The following SACS variants were observed in gnomAD, a reference collection of about 807,000 sequenced individuals.
SACS encodes sacsin.
SACS carries 197 observed loss-of-function variants against 348.0 expected under a neutral mutation model. That is an observed-to-expected ratio of 0.57 (90% confidence interval 0.50 to 0.64). SACS has a LOEUF of 0.64. Among genes scored for constraint, SACS ranks in the 30% least tolerant of loss-of-function variants. SACS has a pLI of 0.00. For missense variants in SACS, 4,999 were observed against 5,360.8 expected (o/e 0.93, Z 2.11); for synonymous variants, 1,985 against 1,910.6 (o/e 1.04, Z -1.02).
In SACS at chr13:23,340,120, C is replaced by T; in HGVS notation, c.3756G>A (p.Leu1252=). The change falls in exon 10 of 10, where the codon TTG becomes TTA. Residue 1252 remains leucine (L), a synonymous_variant. Transcript: ENST00000382292. The part of the protein sequence containing the change: ...DEDYYQFQHI[L]LEIYGFMHDH... ...CATGCATGAATCCGTAAATCTCAAGCAAAATATGCTGGAATTGATAGTAGT... is the reference window on the plus strand; with the variant it reads ...CATGCATGAATCCGTAAATCTCAAGTAAAATATGCTGGAATTGATAGTAGT... 3 of 1,613,702 alleles carry T rather than the reference C, an allele frequency of 1.9e-6. No homozygotes were observed. Among genetic ancestry groups the T allele is most frequent in the Non-Finnish European group, 2.5e-6 (3 of 1,179,890 alleles).
At chr13:23,369,387 A>G (rs4770435) in intron 4 of SACS, among the ~76,000 whole-genome samples, 134,247 of 152,178 alleles carry the variant, frequency 0.88, 59,292 homozygotes, top group East Asian at 1. Context: ...TAATGCCTCA[A>G]ATACACAGCA....
rs1230707422 is a variant in SACS at position 23,331,876 on chromosome 13, T to G, written c.12000A>C (p.Gly4000=). Residue 4000 remains glycine, a synonymous_variant, in exon 10 of 10, where the codon GGA becomes GGC. Coordinates refer to ENST00000382292, the MANE Select transcript of SACS (RefSeq NM_014363.6). ...CQFGALCSLQ[G]RLQLLLSSEQ... Reference sequence around the variant, plus strand: ...CAGAAGACAAGAGTAACTGCAATCTTCCTTGAAGAGAACACAACGCTCCAA... The same window carrying G: ...CAGAAGACAAGAGTAACTGCAATCTGCCTTGAAGAGAACACAACGCTCCAA... 6.2e-7 allele frequency: 1 copy of G among 1,614,042 alleles called. No individual in the cohort carries two copies. The highest frequency in any genetic ancestry group is 1.7e-5 in the Admixed American group (1 of 60,002).
intron 1 of SACS, among the ~76,000 whole-genome samples, chr13:23,414,245 A>G (rs895677782): frequency 2.0e-5 from 3 of 152,254 alleles, no homozygotes; most frequent in Non-Finnish European, 2.9e-5. Flanking sequence ...CGGAGCCTAC[A>G]GTGAGCAGAG....
chr13:23,396,061 T>A (rs764042099), intron 2 of SACS, among the ~76,000 whole-genome samples: 2 of 152,148 alleles, frequency 1.3e-5, no homozygotes, highest in Non-Finnish European at 2.9e-5. Context: ...CAGTAGTTCA[T>A]GCCTGTAATC....
chr13:23,337,064 CA>C lies in SACS; in HGVS notation c.6811del (p.Cys2271ValfsTer24), dbSNP rs1425286127. 1 of 1,613,972 alleles carries C rather than the reference CA, an allele frequency of 6.2e-7. No individual in the cohort carries two copies. The highest frequency in any genetic ancestry group is 1.7e-5 in the Admixed American group (1 of 60,020). ...LNENSHSFRG[C>X]GSVSLAVKEF... is the part of the protein sequence containing the mutation. ...TTTAACAGCCAATGACACTGAACCA[CA>C]ACCTCTAAAAGAATGGGAATTTTCA... On this transcript the variant is annotated frameshift_variant, in exon 10 of 10. Coordinates refer to ENST00000382292, the MANE Select transcript of SACS (RefSeq NM_014363.6). LOFTEE classifies it high-confidence loss of function.
chr13:23,341,791 T>C (rs958613789), intron 9 of SACS, 101 bp from the exon 10 acceptor site: 1 of 1,044,380 alleles, frequency 9.6e-7, no homozygotes, highest in Non-Finnish European at 1.4e-6. Context: ...TTTTTTTTTT[T>C]TTTTTTTTTT....
chr13:23,341,451 C>G lies in SACS; in HGVS notation c.2425G>C (p.Glu809Gln), dbSNP rs142131182. The G allele has an allele frequency of 1.9e-6, 3 of 1,613,900 alleles. No homozygotes were observed. The highest frequency in any genetic ancestry group is 1.7e-5 in the Admixed American group (1 of 59,998). Residue 809 changes from glutamate to glutamine, a missense_variant, in exon 10 of 10, where the codon GAG becomes CAG. Physicochemically the swap from Glu to Gln is conservative, Grantham distance 29. This residue lies in a region of SACS where 3,156 missense variants were observed against 3,380.1 expected (regional missense o/e 0.93). Transcript: ENST00000382292. ...EMPLIPRTIL[E>Q]EGQTCVELIR... is the part of the protein sequence containing the mutation. ...AGTTCCACACATGTCTGACCTTCCTCTAGTATAGTTCTGGGGATAAGTGGC... is the reference window on the plus strand; with the variant it reads ...AGTTCCACACATGTCTGACCTTCCTGTAGTATAGTTCTGGGGATAAGTGGC...
intron 6 of SACS, among the ~76,000 whole-genome samples, chr13:23,362,556 C>T (rs936165828): frequency 6.6e-6 from 1 of 151,484 alleles, no homozygotes; most frequent in East Asian, 1.9e-4. Context: ...GAGATCACTG[C>T]CACCTGCTTT....
Position 23,338,895 on chromosome 13 carries a change from T to G in SACS, c.4981A>C (p.Ser1661Arg). 6.2e-7 allele frequency: 1 copy of G among 1,613,214 alleles called. No individual in the cohort carries two copies. The highest frequency in any genetic ancestry group is 1.1e-5 in the South Asian group (1 of 90,886). The change falls in exon 10 of 10, where the codon AGT becomes CGT. Residue 1661 changes from serine (S) to arginine (R), a missense_variant. Ser to Arg is a moderately radical substitution (Grantham distance 110). Transcript: ENST00000382292. ...ATATCTGCTGTATTGTAGCACGTACTACTAACTTCACTCACTTTTGCTTCC... is the reference window on the plus strand; with the variant it reads ...ATATCTGCTGTATTGTAGCACGTACGACTAACTTCACTCACTTTTGCTTCC... ...QQEAKVSEVS[S>R]TCYNTADIYS...
intron 1 of SACS, among the ~76,000 whole-genome samples, chr13:23,422,664 T>C (rs1874000698): frequency 4.4e-4 from 2 of 4,592 alleles, no homozygotes; most frequent in East Asian, 0.042. Context: ...TGGTGTTTCT[T>C]TTTTTTTTTT....
intron 1 of SACS, among the ~76,000 whole-genome samples, chr13:23,415,640 G>A (rs1258733002): frequency 1.3e-5 from 2 of 151,970 alleles, no homozygotes; most frequent in East Asian, 3.9e-4. Flanking sequence ...TACTACTTTG[G>A]TGATCTTTGG....
At chr13:23,396,963 T>C (rs972951248) in intron 2 of SACS, among the ~76,000 whole-genome samples, 1 of 152,020 alleles carries the variant, frequency 6.6e-6, no homozygotes, top group African/African-American at 2.4e-5. Flanking sequence ...TAATTTTGGC[T>C]TCTTATTATT....
rs112442449 is a variant in SACS at position 23,370,571 on chromosome 13, A to T, written c.259+507T>A. ...TATAGAAGATCTCCAGATCTTCTTT[A>T]TTCATATAGCAAACTTTGTACCTTT... On this transcript the variant is annotated intron_variant, in intron 4 of 9. Coordinates refer to ENST00000382292, the MANE Select transcript of SACS (RefSeq NM_014363.6). Among the ~76,000 whole-genome samples, 78 of 152,300 alleles carry T rather than the reference A, an allele frequency of 5.1e-4. 1 individual carries two copies. In the Middle Eastern group the frequency reaches 0.031, roughly 60 times the overall value.
chr13:23,390,518 G>A (rs1205408914), intron 2 of SACS, among the ~76,000 whole-genome samples: 1 of 151,896 alleles, frequency 6.6e-6, no homozygotes, highest in Non-Finnish European at 1.5e-5. Context: ...AAATTAGCTG[G>A]GGGACTAATT....
chr13:23,368,868 T>C (rs920785645), intron 4 of SACS, among the ~76,000 whole-genome samples: 2 of 152,026 alleles, frequency 1.3e-5, no homozygotes, highest in African/African-American at 2.4e-5. Context: ...CCAGCTAATT[T>C]TTTTGTATTT....
chr13:23,372,940 A>G (rs1300445450), intron 3 of SACS, among the ~76,000 whole-genome samples: 1 of 152,080 alleles, frequency 6.6e-6, no homozygotes, highest in Non-Finnish European at 1.5e-5. Flanking sequence ...TCATTACCTC[A>G]TACCAGGACG....
chr13:23,335,082 GTTTT>G lies in SACS; in HGVS notation c.8790_8793del (p.Lys2930AsnfsTer22). On this transcript the variant is annotated frameshift_variant, in exon 10 of 10. Transcript: ENST00000382292. LOFTEE classifies it high-confidence loss of function. The surrounding 1 kb of genome is among the most constrained non-coding windows in gnomAD (Gnocchi z 4.7). ...GTTGGATCAGAACCAGGGAAATACCGTTTTTTTAACTGTATTAGCAATTCAACAT... is the reference window on the plus strand; with the variant it reads ...GTTGGATCAGAACCAGGGAAATACCGTTTAACTGTATTAGCAATTCAACAT... 1 of 1,613,426 alleles carries G rather than the reference GTTTT, an allele frequency of 6.2e-7. No individual in the cohort carries two copies. Among genetic ancestry groups the G allele is most frequent in the South Asian group, 1.1e-5 (1 of 91,002 alleles).
At chr13:23,399,525 A>G (rs894053972) in intron 2 of SACS, among the ~76,000 whole-genome samples, 1 of 151,992 alleles carries the variant, frequency 6.6e-6, no homozygotes, top group Non-Finnish European at 1.5e-5. Flanking sequence ...CCACCTAATT[A>G]GCCATATTCA....
intron 9 of SACS, among the ~76,000 whole-genome samples, chr13:23,345,149 G>T (rs946297625): frequency 6.6e-6 from 1 of 152,170 alleles, no homozygotes; most frequent in Non-Finnish European, 1.5e-5. Context: ...TGTACAGAAA[G>T]AGGCACTGGC....
Sources: allele counts gnomAD v4.1 joint callset (sites outside exome capture counted in the v4.1 genomes callset), GRCh38; gene constraint gnomAD v4.1.1; regional missense constraint gnomAD v4.1.1; non-coding constraint Gnocchi (gnomAD v3.1); transcripts MANE v1.5; gene names NCBI Gene and HGNC (gene_info 2026-07-23, HGNC 2026-07-21).